The following CDKL5 variants were observed in gnomAD, a reference collection of about 807,000 sequenced individuals.
The protein encoded by CDKL5 is cyclin-dependent kinase-like 5.
Under a neutral mutation model 61.7 loss-of-function variants are expected in CDKL5, and 8 were observed. The ratio of observed to expected loss-of-function variants is 0.13; its 90% CI spans 0.08 to 0.23. The LOEUF is 0.23. Ranked by LOEUF, CDKL5 falls within the 10% of genes least tolerant of loss-of-function variation. The pLI is 1.00. For synonymous variants in CDKL5, 275 were observed against 272.3 expected, an observed-to-expected ratio of 1.01 and a Z score of -0.10; for missense variants, 440 against 734.5, an observed-to-expected ratio of 0.60 and a Z score of 4.63.
At chrX:18,532,511 C>T (rs1261861580) in intron 3 of CDKL5, among the ~76,000 whole-genome samples, 1 of 111,156 alleles carries the variant, frequency 9.0e-6, no homozygotes, top group East Asian at 2.8e-4. Flanking sequence ...AGACTAAGCA[C>T]GGCTTAAATT....
intron 9 of CDKL5, among the ~76,000 whole-genome samples, chrX:18,593,343 T>G (rs1216999049): frequency 8.9e-6 from 1 of 112,372 alleles, no homozygotes; most frequent in African/African-American, 3.2e-5. Context: ...TTTATTATAA[T>G]ATTTCTAATA....
chrX:18,431,690 G>C (rs1372788563), intron 1 of CDKL5, among the ~76,000 whole-genome samples: 1 of 110,420 alleles, frequency 9.1e-6, no homozygotes, highest in Non-Finnish European at 1.9e-5. Flanking sequence ...CTCCCAAAGA[G>C]CTGGGATTAC....
At chrX:18,558,323 G>A (rs1480515634) in intron 3 of CDKL5, among the ~76,000 whole-genome samples, 3 of 111,745 alleles carry the variant, frequency 2.7e-5, no homozygotes, top group Non-Finnish European at 3.8e-5. Context: ...TGTTGCAGAC[G>A]TTGTGGGGGC....
intron 1 of CDKL5, among the ~76,000 whole-genome samples, chrX:18,482,339 C>T (rs763535408): frequency 8.9e-6 from 1 of 111,918 alleles, no homozygotes; most frequent in Non-Finnish European, 1.9e-5. Context: ...AAATAGTAAT[C>T]TTCATTGCCC....
At position 18,633,409 on chromosome X, in the gene CDKL5, T is replaced by A; in HGVS notation, c.*4652T>A. 1 of 754,082 alleles carries A rather than the reference T, an allele frequency of 1.3e-6. No individual in the cohort carries two copies. Among genetic ancestry groups the A allele is most frequent in the Non-Finnish European group, 1.6e-6 (1 of 639,032 alleles). The allele number at this position is 754,082 out of a possible 1,213,427, so 62.1% of individuals were successfully genotyped here. On this transcript the variant is annotated 3_prime_UTR_variant, in exon 18 of 18. Transcript: ENST00000623535. ...AGGTTGTAAGTGTCCTGTCGCTAAT[T>A]CCCAGGGCCAGAATCTCACAAGAAG...
At chrX:18,551,650 G>A (rs921436071) in intron 3 of CDKL5, among the ~76,000 whole-genome samples, 10 of 103,772 alleles carry the variant, frequency 9.6e-5, no homozygotes, top group African/African-American at 1.4e-4. Context: ...CAGTTGCAGC[G>A]TCTCGGCTCA....
At chrX:18,600,299 C>T (rs962551254) in intron 11 of CDKL5, among the ~76,000 whole-genome samples, 2 of 111,930 alleles carry the variant, frequency 1.8e-5, no homozygotes, top group African/African-American at 3.3e-5. Context: ...ATCTTATAGA[C>T]CTTTCTTAGC....
chrX:18,578,572 ATTAG>A (rs1403611953), intron 5 of CDKL5, among the ~76,000 whole-genome samples: 1 of 112,582 alleles, frequency 8.9e-6, no homozygotes, highest in Non-Finnish European at 1.9e-5. Flanking sequence ...ATATAAAAAT[ATTAG>A]TTCATTTTAA....
intron 1 of CDKL5, among the ~76,000 whole-genome samples, chrX:18,500,899 C>T (rs896503668): frequency 7.3e-5 from 8 of 110,134 alleles, no homozygotes; most frequent in African/African-American, 9.9e-5. Context: ...AGTGCAGTGA[C>T]GTGATCTTGG....
At position 18,537,176 on chromosome X, in the gene CDKL5, A is replaced by G. The variant is rs1246270953; in HGVS notation, c.99+26322A>G. Among the ~76,000 whole-genome samples the G allele has an allele frequency of 5.4e-5, 6 of 110,458 alleles. No individual in the cohort carries two copies. The Admixed American group carries it at 5.8e-4, about 11-fold the overall frequency. On this transcript the variant is annotated intron_variant, in intron 3 of 17. Coordinates refer to ENST00000623535, the MANE Select transcript of CDKL5 (RefSeq NM_001323289.2). ...TCTTGGCTAAATTTCCTTCTCATAA[A>G]CCCTTTTATGAGCATGAGGAATAAT...
chrX:18,647,660 A>T, intron 20 of CDKL5: 2 of 285,480 alleles, frequency 7.0e-6, no homozygotes, highest in Non-Finnish European at 1.3e-5. Context: ...AGATCTAAAA[A>T]CCAAGAGGTG....
At chrX:18,543,511 G>A (rs897485478) in intron 3 of CDKL5, among the ~76,000 whole-genome samples, 1 of 110,874 alleles carries the variant, frequency 9.0e-6, no homozygotes, top group Non-Finnish European at 1.9e-5. Flanking sequence ...GACCTGGAAG[G>A]AGTGGGGCTG....
chrX:18,641,668 C>T, downstream of CDKL5: 2 of 258,519 alleles, frequency 7.7e-6, no homozygotes, highest in Non-Finnish European at 1.4e-5. Flanking sequence ...ATCAGGGCTG[C>T]TTTGTGTTCC....
Position 18,629,576 on chromosome X carries a change from TA to T in CDKL5, c.*822del. ...TATGAAGTGAGTATTATACTTCTAC[TA>T]AAGGGAGTTGAATTGTGGCTACACG... On this transcript the variant is annotated 3_prime_UTR_variant, in exon 18 of 18. Transcript: ENST00000623535. 1.3e-6 allele frequency: 1 copy of T among 744,736 alleles called. No homozygotes were observed. Among genetic ancestry groups the T allele is most frequent in the Non-Finnish European group, 1.6e-6 (1 of 630,717 alleles). 61.4% of individuals were successfully genotyped at this position (744,736 alleles called of 1,213,427 possible). A position where few individuals can be genotyped will look rare whatever the true frequency, so the allele number is the denominator to read the frequency against.
chrX:18,462,798 C>T (rs992826402), intron 1 of CDKL5, among the ~76,000 whole-genome samples: 18 of 111,113 alleles, frequency 1.6e-4, no homozygotes, highest in Non-Finnish European at 2.8e-4. Context: ...CCTAGGTGGG[C>T]GGATCACTTG....
At chrX:18,623,293 T>C (rs966395872) in intron 16 of CDKL5, among the ~76,000 whole-genome samples, 19 of 112,331 alleles carry the variant, frequency 1.7e-4, no homozygotes, top group Non-Finnish European at 1.1e-4. Flanking sequence ...ATGTTTTCCA[T>C]TGGGTAAATA....
At chrX:18,651,244 TGTGTGTGTGTGTGTGTGTGTGA>T (rs1335702983) in intron 21 of CDKL5, among the ~76,000 whole-genome samples, 2 of 96,892 alleles carry the variant, frequency 2.1e-5, no homozygotes, top group Admixed American at 1.1e-4. Flanking sequence ...TGTGTGTGTG[TGTGTGTGTGTGTGTGTGTGTGA>T]GAGAGAGAGA....
At chrX:18,540,593 C>A in intron 3 of CDKL5, among the ~76,000 whole-genome samples, 1 of 111,960 alleles carries the variant, frequency 8.9e-6, no homozygotes, top group Non-Finnish European at 1.9e-5. Context: ...CTCTTTCATT[C>A]CTGAATGGTA....
At chrX:18,514,117 C>G (rs1922923670) in intron 3 of CDKL5, among the ~76,000 whole-genome samples, 3 of 110,855 alleles carry the variant, frequency 2.7e-5, no homozygotes, top group South Asian at 3.7e-4. Context: ...TGTACTGTTG[C>G]AGTAATTGAG....
Sources: allele counts gnomAD v4.1 joint callset (sites outside exome capture counted in the v4.1 genomes callset), GRCh38; gene constraint gnomAD v4.1.1; transcripts MANE v1.5; gene names NCBI Gene and HGNC (gene_info 2026-07-23, HGNC 2026-07-21).